The following GPR15LG variants were observed in gnomAD, a reference collection of about 807,000 sequenced individuals.
GPR15LG encodes protein GPR15LG.
chr10:84,181,035 A>C, the GPR15LG span, among the ~76,000 whole-genome samples: 1 of 150,246 alleles, frequency 6.7e-6, no homozygotes, highest in African/African-American at 2.5e-5. Flanking sequence ...AGACGGCGGC[A>C]GTACAGTCCA....
At chr10:84,176,563 C>T in the GPR15LG span, 1 of 1,613,408 alleles carries the variant, frequency 6.2e-7, no homozygotes, top group Non-Finnish European at 8.5e-7. Context: ...CTCAACAAAC[C>T]TGAAAGGTAA....
At chr10:84,173,935 C>G in the GPR15LG span, 5 of 1,591,154 alleles carry the variant, frequency 3.1e-6, no homozygotes, top group Non-Finnish European at 3.4e-6. Flanking sequence ...GGGCAGCCCC[C>G]AGGGTGCAGA....
At chr10:84,184,895 C>T in the GPR15LG span, 1 of 1,500,152 alleles carries the variant, frequency 6.7e-7, no homozygotes, top group Non-Finnish European at 8.8e-7. Flanking sequence ...TCATCTCGGG[C>T]TGCAAGGACC....
chr10:84,180,251 A>G, the GPR15LG span, among the ~76,000 whole-genome samples: 3 of 152,284 alleles, frequency 2.0e-5, no homozygotes, highest in African/African-American at 7.2e-5. Flanking sequence ...CTAGTACAGA[A>G]CAAAATGGAG....
the GPR15LG span, chr10:84,173,824 C>T: frequency 3.2e-6 from 5 of 1,564,222 alleles, no homozygotes; most frequent in East Asian, 1.1e-4. Flanking sequence ...AGCTCCCTTC[C>T]CAGGACGTGA....
the GPR15LG span, among the ~76,000 whole-genome samples, chr10:84,178,876 G>A: frequency 2.0e-5 from 3 of 152,144 alleles, no homozygotes; most frequent in African/African-American, 7.2e-5. Flanking sequence ...TATGTATTGG[G>A]TCCTTGCCAT....
the GPR15LG span, among the ~76,000 whole-genome samples, chr10:84,184,413 G>T: frequency 2.0e-5 from 3 of 152,170 alleles, no homozygotes; most frequent in Non-Finnish European, 4.4e-5. Context: ...GCTCCACTTA[G>T]GATCAGCCAC....
chr10:84,176,130 C>T, the GPR15LG span, among the ~76,000 whole-genome samples: 13 of 152,126 alleles, frequency 8.5e-5, no homozygotes, highest in East Asian at 1.7e-3. Context: ...TCAAGTGATC[C>T]GCCCACCTCA....
the GPR15LG span, among the ~76,000 whole-genome samples, chr10:84,184,241 A>G: frequency 6.6e-6 from 1 of 151,962 alleles, no homozygotes; most frequent in African/African-American, 2.4e-5. Context: ...CATAAATGGG[A>G]CTGGTTTGTC....
At chr10:84,173,875 C>T in the GPR15LG span, 2 of 1,613,844 alleles carry the variant, frequency 1.2e-6, no homozygotes, top group South Asian at 1.1e-5. Flanking sequence ...TCCTTTCCAG[C>T]CTGCTCTGTA....
chr10:84,176,445 A>G, the GPR15LG span: 2 of 1,491,968 alleles, frequency 1.3e-6, no homozygotes, highest in African/African-American at 1.4e-5. Context: ...CAAGCCCACT[A>G]AAGACAGTCT....
At chr10:84,181,332 C>A in the GPR15LG span, among the ~76,000 whole-genome samples, 4 of 151,996 alleles carry the variant, frequency 2.6e-5, no homozygotes, top group Non-Finnish European at 4.4e-5. Flanking sequence ...CCACCTCAGC[C>A]TCCCAAAGTG....
chr10:84,174,494 C>CTTTTTTTTTTTTT, the GPR15LG span, among the ~76,000 whole-genome samples: 1 of 98,736 alleles, frequency 1.0e-5, no homozygotes, highest in Non-Finnish European at 2.0e-5. Context: ...TTTCTTTTTT[C>CTTTTTTTTTTTTT]TTTTTTTTTT....
the GPR15LG span, among the ~76,000 whole-genome samples, chr10:84,178,259 A>C: frequency 6.6e-6 from 1 of 151,742 alleles, no homozygotes; most frequent in Non-Finnish European, 1.5e-5. Flanking sequence ...GGACACATAC[A>C]CACTACACAA....
At chr10:84,184,007 T>C in the GPR15LG span, among the ~76,000 whole-genome samples, 1 of 151,762 alleles carries the variant, frequency 6.6e-6, no homozygotes, top group Non-Finnish European at 1.5e-5. Context: ...TTCCAGACAC[T>C]TTTTTTTCTG....
the GPR15LG span, chr10:84,176,694 G>T: frequency 1.6e-6 from 1 of 640,088 alleles, no homozygotes; most frequent in Non-Finnish European, 2.8e-6. Flanking sequence ...GGACATCTTT[G>T]TTTTGTTGAT....
the GPR15LG span, among the ~76,000 whole-genome samples, chr10:84,182,906 C>T: frequency 6.6e-6 from 1 of 151,970 alleles, no homozygotes; most frequent in Non-Finnish European, 1.5e-5. Context: ...TCATGTGTCT[C>T]CACCAGAAAT....
chr10:84,181,765 A>G, the GPR15LG span, among the ~76,000 whole-genome samples: 16 of 152,292 alleles, frequency 1.1e-4, no homozygotes, highest in African/African-American at 3.9e-4. Flanking sequence ...TGCTGACTCT[A>G]TTGGCTCTTT....
chr10:84,176,489 G>A, the GPR15LG span: 286 of 1,613,026 alleles, frequency 1.8e-4, no homozygotes, highest in African/African-American at 2.3e-3. Context: ...GGGAAGAGGC[G>A]TCCTGCCAAG....
Sources: allele counts gnomAD v4.1 joint callset (sites outside exome capture counted in the v4.1 genomes callset), GRCh38; gene constraint gnomAD v4.1.1; transcripts MANE v1.5; gene names NCBI Gene and HGNC (gene_info 2026-07-23, HGNC 2026-07-21).